Variants in PCNT observed in about 807,000 individuals in gnomAD.
The protein encoded by PCNT is pericentrin.
A neutral mutation model predicts 380.4 loss-of-function variants in PCNT; 319 were observed. That is an observed-to-expected ratio of 0.84 (90% CI 0.77 to 0.92). The LOEUF (loss-of-function observed/expected upper bound fraction) is 0.92, where lower values mean the gene tolerates loss of function less well. Ranked by LOEUF, PCNT falls within the 40% of genes least tolerant of loss-of-function variation. The probability of loss-of-function intolerance (pLI) is 0.00; values close to 1 mark genes in which losing one functional copy is unlikely to be tolerated. For missense variants in PCNT, 4,400 were observed against 4,255.3 expected, an observed-to-expected ratio of 1.03 and a Z score of -0.95; for synonymous variants, 1,845 against 1,735.2, an observed-to-expected ratio of 1.06 and a Z score of -1.57.
chr21:46,399,355 T>TCC (rs10645543), intron 24 of PCNT, among the ~76,000 whole-genome samples: 715 of 23,096 alleles, frequency 0.031, no homozygotes, highest in Middle Eastern at 0.062. Flanking sequence ...GGTCTAGGTC[T>TCC]CTGTTCAGCC....
At position 46,363,887 on chromosome 21, in the gene PCNT, C is replaced by G. The variant is rs528047242; in HGVS notation, c.2562C>G (p.Leu854=). Residue 854 remains leucine, a synonymous_variant, in exon 14 of 47, where the codon CTC becomes CTG. Coordinates refer to ENST00000359568, the MANE Select transcript of PCNT (RefSeq NM_006031.6). ...CCCAGGACGGGGAGCTTGCTGCGCT[C>G]CACGTGAAGGAAGACTGCGCCCTGC... ...PTAQDGELAA[L]HVKEDCALQL... The G allele has an allele frequency of 2.5e-6, 4 of 1,611,884 alleles. No homozygotes were observed. In the Admixed American group the frequency reaches 6.7e-5, roughly 27 times the overall value.
Position 46,413,006 on chromosome 21 carries a change from G to C in PCNT, c.6150+14G>C. The C allele has an allele frequency of 6.2e-7, 1 of 1,604,894 alleles. No individual in the cohort carries two copies. Among genetic ancestry groups the C allele is most frequent in the Non-Finnish European group, 8.5e-7 (1 of 1,179,626 alleles). ...GACGGCGGCAAGGTGTGGGGAGGGG[G>C]GAAGGCGCGAGGTCCCCCCGGGAGA... is the stretch of plus-strand genomic sequence containing the variant. On this transcript the variant is annotated intron_variant, in intron 29 of 46. Coordinates refer to ENST00000359568, the MANE Select transcript of PCNT (RefSeq NM_006031.6).
chr21:46,419,220 C>T (rs1305061762), intron 31 of PCNT, among the ~76,000 whole-genome samples: 1 of 152,086 alleles, frequency 6.6e-6, no homozygotes, highest in Non-Finnish European at 1.5e-5. Flanking sequence ...TTAGTATTTG[C>T]AGAGTAGGGC....
At chr21:46,411,081 T>C (rs758972143) in intron 27 of PCNT, 108 bp from the exon 28 acceptor site, 2 of 1,158,876 alleles carry the variant, frequency 1.7e-6, no homozygotes, top group Non-Finnish European at 2.6e-6. Context: ...TTTTTCACGC[T>C]ATGGAGTCTT....
At chr21:46,325,446 G>T (rs895299635) in intron 1 of PCNT, among the ~76,000 whole-genome samples, 1 of 152,234 alleles carries the variant, frequency 6.6e-6, no homozygotes, top group Non-Finnish European at 1.5e-5. Context: ...CGCAGACCAG[G>T]TCTGTGCTAT....
intron 15 of PCNT, among the ~76,000 whole-genome samples, chr21:46,377,077 G>A (rs2085352883): frequency 2.9e-5 from 3 of 103,696 alleles, no homozygotes; most frequent in African/African-American, 1.4e-4. Flanking sequence ...CCTCCCCATG[G>A]CTTATCACAC....
Position 46,324,202 on chromosome 21 carries a change from G to T in PCNT, c.-27G>T. The T allele has an allele frequency of 6.2e-7, 1 of 1,603,060 alleles. No homozygotes were observed. The highest frequency in any genetic ancestry group is 8.5e-7 in the Non-Finnish European group (1 of 1,174,136). ...GCTCTGTGTCAGCCCCGTCACCGCCGGGCGGCCCGCGCGGAGTCTGAGGGA... is the reference window on the plus strand; with the variant it reads ...GCTCTGTGTCAGCCCCGTCACCGCCTGGCGGCCCGCGCGGAGTCTGAGGGA... On this transcript the variant is annotated 5_prime_UTR_variant, in exon 1 of 47. Transcript: ENST00000359568.
At chr21:46,337,261 G>C (rs915021786) in intron 3 of PCNT, among the ~76,000 whole-genome samples, 1 of 152,172 alleles carries the variant, frequency 6.6e-6, no homozygotes, top group Admixed American at 6.5e-5. Flanking sequence ...ACAGGTGTGG[G>C]CCACCACGCC....
chr21:46,324,541 C>G (rs2083292837), intron 1 of PCNT, among the ~76,000 whole-genome samples: 1 of 101,548 alleles, frequency 9.8e-6, no homozygotes, highest in Middle Eastern at 5.4e-3. Context: ...TCGGGCGGGC[C>G]GGGGCGGGGC....
chr21:46,335,753 T>C (rs1238608927), intron 3 of PCNT, among the ~76,000 whole-genome samples: 1 of 151,720 alleles, frequency 6.6e-6, no homozygotes, highest in Non-Finnish European at 1.5e-5. Context: ...TGGTGCGATC[T>C]TGGCTTACTG....
At chr21:46,384,007 C>T (rs1262049073) in intron 16 of PCNT, among the ~76,000 whole-genome samples, 2 of 144,462 alleles carry the variant, frequency 1.4e-5, no homozygotes, top group Admixed American at 7.0e-5. Flanking sequence ...GTGGCGGAAG[C>T]GCATTCACAG....
At chr21:46,343,811 G>T (rs537254994) in intron 3 of PCNT, among the ~76,000 whole-genome samples, 1 of 152,258 alleles carries the variant, frequency 6.6e-6, no homozygotes, top group South Asian at 2.1e-4. Context: ...TTACTGGTCT[G>T]TTCAGAATTT....
intron 34 of PCNT, 87 bp downstream of exon 34, chr21:46,427,882 A>G: frequency 6.8e-7 from 1 of 1,464,426 alleles, no homozygotes. Context: ...TTTGTGTGTG[A>G]ATTTCGGTTT....
At position 46,363,946 on chromosome 21, in the gene PCNT, G is replaced by C; in HGVS notation, c.2609+12G>C. The C allele has an allele frequency of 1.2e-6, 2 of 1,602,000 alleles. No homozygotes were observed. The highest frequency in any genetic ancestry group is 1.7e-6 in the Non-Finnish European group (2 of 1,179,180). ...CTGGCCCGGAGCAGGTGGGTTTGCA[G>C]TGACGCCATCTGCAGTCCCTGTGAG... On this transcript the variant is annotated intron_variant, in intron 14 of 46. Transcript: ENST00000359568.
At chr21:46,389,780 G>A (rs1260636322) in intron 19 of PCNT, among the ~76,000 whole-genome samples, 1 of 152,236 alleles carries the variant, frequency 6.6e-6, no homozygotes, top group East Asian at 1.9e-4. Context: ...TACACGGAAA[G>A]CAATCAAAGA....
chr21:46,325,091 G>A (rs2146209756), intron 1 of PCNT: 1 of 985,528 alleles, frequency 1.0e-6, no homozygotes, highest in East Asian at 1.1e-4. Context: ...CGCTCGGTTT[G>A]ATGGCCACTG....
rs538617077 is a variant in PCNT at position 46,378,191 on chromosome 21, G to A, written c.3166-3503G>A. Among the ~76,000 whole-genome samples the A allele has an allele frequency of 2.0e-5, 3 of 152,194 alleles. No homozygotes were observed. The South Asian group carries it at 6.2e-4, about 32-fold the overall frequency. On this transcript the variant is annotated intron_variant, in intron 15 of 46. Coordinates refer to ENST00000359568, the MANE Select transcript of PCNT (RefSeq NM_006031.6). ...CAGGGGATGCATTCCAAGACCCCCA[G>A]TGGGTGCCTGAAATCGTGAATGGTT...
chr21:46,366,242 G>C (rs1170135861), intron 14 of PCNT, among the ~76,000 whole-genome samples: 1 of 152,198 alleles, frequency 6.6e-6, no homozygotes, highest in Non-Finnish European at 1.5e-5. Flanking sequence ...ACGCTGTGGT[G>C]TGAGTAGGAG....
rs553012767 is a variant in PCNT at position 46,340,844 on chromosome 21, A to ATT, written c.640-5276_640-5275dup. Among the ~76,000 whole-genome samples the ATT allele has an allele frequency of 5.3e-5, 8 of 150,468 alleles. No homozygotes were observed. In the East Asian group the frequency reaches 9.8e-4, roughly 18 times the overall value. On this transcript the variant is annotated intron_variant, in intron 3 of 46. Transcript: ENST00000359568. ...GCCACCATGCTGGGCTAATTTTTGT[A>ATT]TTTTTTTTTAGTAGAGACGGGGTTT...
Sources: allele counts gnomAD v4.1 joint callset (sites outside exome capture counted in the v4.1 genomes callset), GRCh38; gene constraint gnomAD v4.1.1; transcripts MANE v1.5; gene names NCBI Gene and HGNC (gene_info 2026-07-23, HGNC 2026-07-21).